GDF1: variants seen among roughly 807,000 people sequenced by gnomAD.
GDF1 encodes the protein embryonic growth/differentiation factor 1.
GDF1 carries 8 observed loss-of-function variants against 7.4 expected under a neutral mutation model. The ratio of observed to expected loss-of-function variants is 1.09; its 90% CI spans 0.64 to 1.96. The LOEUF is 1.96. GDF1 is among the 30% of genes most tolerant of loss of function. The pLI is 0.00. For synonymous variants in GDF1, 311 were observed against 276.7 expected, an observed-to-expected ratio of 1.12 and a Z score of -1.23; for missense variants, 574 against 551.5, an observed-to-expected ratio of 1.04 and a Z score of -0.41.
At chr19:18,876,835 T>C (rs1568295995) in intron 6 of GDF1, among the ~76,000 whole-genome samples, 1 of 152,172 alleles carries the variant, frequency 6.6e-6, no homozygotes. Context: ...ACATTGGTGC[T>C]TTGCTATTAA....
At chr19:18,884,875 G>A (rs1400339433) in intron 2 of GDF1, among the ~76,000 whole-genome samples, 5 of 151,480 alleles carry the variant, frequency 3.3e-5, no homozygotes, top group Non-Finnish European at 5.9e-5. Context: ...CACCATGCCC[G>A]GCTAATTTTT....
chr19:18,869,487 C>T (rs1393460851), intron 7 of GDF1, 97 bp from the exon 8 acceptor site: 14 of 1,224,178 alleles, frequency 1.1e-5, no homozygotes, highest in South Asian at 2.8e-5. Flanking sequence ...CGCTGGGGCT[C>T]GGGGCGCACC....
At position 18,869,205 on chromosome 19, in the gene GDF1, C is replaced by G. The variant is rs2055913332; in HGVS notation, c.511G>C (p.Gly171Arg). The G allele has an allele frequency of 1.6e-6, 2 of 1,270,024 alleles. No individual in the cohort carries two copies. Among genetic ancestry groups the G allele is most frequent in the African/African-American group, 3.2e-5 (2 of 62,700 alleles). 78.7% of individuals were successfully genotyped at this position (1,270,024 alleles called of 1,614,324 possible). The change falls in exon 8 of 8, where the codon GGC (glycine) becomes CGC (arginine). Residue 171 changes from glycine (G) to arginine (R), a missense_variant. Transcript: ENST00000247005. ...CCGGGGTCCGCGCCCGCGCCCTGGCCCGCTTGCGCCACGCTCAGCTCCCAG... is the reference window on the plus strand; with the variant it reads ...CCGGGGTCCGCGCCCGCGCCCTGGCGCGCTTGCGCCACGCTCAGCTCCCAG... ...GGWELSVAQAGQGAGADPGPV... is the reference protein window; with the variant it reads ...GGWELSVAQARQGAGADPGPV...
Position 18,870,420 on chromosome 19 carries a change from C to T in GDF1, c.-113G>A. The T allele has an allele frequency of 2.2e-6, 2 of 911,312 alleles. No individual in the cohort carries two copies. The highest frequency in any genetic ancestry group is 3.7e-5 in the South Asian group (2 of 54,036). The allele number at this position is 911,312 out of a possible 1,614,324, so 56.5% of individuals were successfully genotyped here. ...GGGCAGGGGTCCTGGGGGGCGTGGCCGGGAACTGGAGGCAGGATGAGGGGG... is the reference window on the plus strand; with the variant it reads ...GGGCAGGGGTCCTGGGGGGCGTGGCTGGGAACTGGAGGCAGGATGAGGGGG... On this transcript the variant is annotated 5_prime_UTR_variant, in exon 7 of 8. Coordinates refer to ENST00000247005, the MANE Select transcript of GDF1 (RefSeq NM_001492.6). The surrounding 1 kb of genome is among the most constrained non-coding windows in gnomAD (Gnocchi z 5.1).
In GDF1 at chr19:18,878,274, C is replaced by T. The variant is rs2056101673; in HGVS notation, c.-313+656G>A. The T allele has an allele frequency of 5.1e-6, 5 of 985,764 alleles. No homozygotes were observed. The highest frequency in any genetic ancestry group is 6.0e-6 in the Non-Finnish European group (5 of 830,300). 61.1% of individuals were successfully genotyped at this position (985,764 alleles called of 1,614,324 possible). On this transcript the variant is annotated intron_variant, in intron 6 of 7. Transcript: ENST00000247005. The surrounding 1 kb of genome is among the most constrained non-coding windows in gnomAD (Gnocchi z 4.6). ...CTCTGCTTGTTACCCAGTTTGGCCT[C>T]CGTTCATCCCTGGCCCAGACACCCC...
At chr19:18,873,017 G>A (rs981268612) in intron 6 of GDF1, among the ~76,000 whole-genome samples, 3 of 152,216 alleles carry the variant, frequency 2.0e-5, no homozygotes, top group Admixed American at 6.5e-5. Context: ...GAGCCAGAGC[G>A]AGTGTGCAGA....
chr19:18,876,187 T>C (rs998539259), intron 6 of GDF1, among the ~76,000 whole-genome samples: 1 of 152,180 alleles, frequency 6.6e-6, no homozygotes, highest in Non-Finnish European at 1.5e-5. Flanking sequence ...GGTTTCACCA[T>C]GTTAGCCAGG....
At position 18,895,581 on chromosome 19, in the gene GDF1, C is replaced by T. The variant is rs1056583820; in HGVS notation, c.-1074+243G>A. Among the ~76,000 whole-genome samples the T allele has an allele frequency of 6.6e-6, 1 of 151,944 alleles. No homozygotes were observed. The highest frequency in any genetic ancestry group is 2.4e-5 in the African/African-American group (1 of 41,368). On this transcript the variant is annotated intron_variant, in intron 1 of 7. Coordinates refer to ENST00000247005, the MANE Select transcript of GDF1 (RefSeq NM_001492.6). The surrounding 1 kb of genome is among the most constrained non-coding windows in gnomAD (Gnocchi z 6.4). ...ACTCACCCCAGCCCGGCCACACCCC[C>T]GCATCTACCCGGTTCCCCCACGCAG...
Position 18,868,546 on chromosome 19 carries a change from A to G in GDF1, c.*51T>C, listed in dbSNP as rs1233353943. The G allele has an allele frequency of 4.3e-6, 6 of 1,409,764 alleles. No individual in the cohort carries two copies. Among genetic ancestry groups the G allele is most frequent in the South Asian group, 2.5e-5 (2 of 81,238 alleles). The allele number at this position is 1,409,764 out of a possible 1,614,324, so 87.3% of individuals were successfully genotyped here. On this transcript the variant is annotated 3_prime_UTR_variant, in exon 8 of 8. Coordinates refer to ENST00000247005, the MANE Select transcript of GDF1 (RefSeq NM_001492.6). ...GCAAGGAGTCCAAGGAGACCAGCGG[A>G]GCAGACCACGCGGCATTTATTGTTG...
Position 18,893,430 on chromosome 19 carries a change from G to C in GDF1, c.-928C>G, listed in dbSNP as rs376346732. ...AGGGCCCCTACCGTAGAAGACAGAT[G>C]GTGGGTCATGGAAGAAGGGGTAGTC... is the stretch of plus-strand genomic sequence containing the variant. On this transcript the variant is annotated 5_prime_UTR_variant, in exon 2 of 8. Transcript: ENST00000247005. 1.9e-6 allele frequency: 3 copies of C among 1,604,570 alleles called. No individual in the cohort carries two copies. The highest frequency in any genetic ancestry group is 2.7e-5 in the African/African-American group (2 of 74,762).
Position 18,895,356 on chromosome 19 carries a change from C to CGCAG in GDF1, c.-1074+464_-1074+467dup, listed in dbSNP as rs1555707409. Among the ~76,000 whole-genome samples the CGCAG allele has an allele frequency of 6.6e-6, 1 of 152,208 alleles. No individual in the cohort carries two copies. Among genetic ancestry groups the CGCAG allele is most frequent in the Non-Finnish European group, 1.5e-5 (1 of 68,038 alleles). Reference sequence around the variant, plus strand: ...GCCCGCATGGCAGGGAGGCGCATGGCGCAGGCCGCGGTGCGCCGAGCCCTC... The same window carrying CGCAG: ...GCCCGCATGGCAGGGAGGCGCATGGCGCAGGCAGGCCGCGGTGCGCCGAGCCCTC... On this transcript the variant is annotated intron_variant, in intron 1 of 7. Transcript: ENST00000247005. This position sits in a 1 kb window ranked among gnomAD's most constrained non-coding sequence, Gnocchi z 6.4.
In GDF1 at chr19:18,868,719, C is replaced by T. The variant is rs1429110767; in HGVS notation, c.997G>A (p.Asp333Asn). Residue 333 changes from aspartate to asparagine, a missense_variant, in exon 8 of 8, where the codon GAC becomes AAC. Asp to Asn is a conservative substitution (Grantham distance 23, BLOSUM62 1). Coordinates refer to ENST00000247005, the MANE Select transcript of GDF1 (RefSeq NM_001492.6). Reference protein sequence around the residue: ...LMHAAAPGAADLPCCVPARLS... With the variant: ...LMHAAAPGAANLPCCVPARLS... Reference sequence around the variant, plus strand: ...CGCGCGGGCACGCAGCAGGGCAGGTCGGCGGCTCCCGGGGCGGCCGCGTGC... The same window carrying T: ...CGCGCGGGCACGCAGCAGGGCAGGTTGGCGGCTCCCGGGGCGGCCGCGTGC... 5.2e-6 allele frequency: 8 copies of T among 1,541,452 alleles called. No homozygotes were observed. Among genetic ancestry groups the T allele is most frequent in the African/African-American group, 1.4e-5 (1 of 72,580 alleles).
Position 18,886,617 on chromosome 19 carries a change from C to T in GDF1, c.-913-2350G>A, listed in dbSNP as rs1000744427. 4.6e-5 allele frequency among the ~76,000 whole-genome samples: 7 copies of T among 152,176 alleles called. No homozygotes were observed. In the East Asian group the frequency reaches 5.8e-4, roughly 13 times the overall value. On this transcript the variant is annotated intron_variant, in intron 2 of 7. Transcript: ENST00000247005. ...GCGGGAAGCCATGCTGTGCTCTGCC[C>T]ACACCAACCTGGAACTCTCTGGGTT...
chr19:18,879,260 A>G lies in GDF1; in HGVS notation c.-442T>C. On this transcript the variant is annotated 5_prime_UTR_variant, in exon 5 of 8. It removes an upstream start codon present in the reference 5' UTR. Transcript: ENST00000247005. ...ACTCACCAGGAACCAGTAGAGGTTC[A>G]TAAGGGTGAGCAGCAGCAGGAGCGC... The G allele has an allele frequency of 6.2e-7, 1 of 1,613,726 alleles. No individual in the cohort carries two copies. Among genetic ancestry groups the G allele is most frequent in the Admixed American group, 1.7e-5 (1 of 59,978 alleles).
intron 2 of GDF1, among the ~76,000 whole-genome samples, chr19:18,893,116 T>A (rs950876826): frequency 6.6e-6 from 1 of 152,094 alleles, no homozygotes; most frequent in Non-Finnish European, 1.5e-5. Flanking sequence ...GGTTTCACCA[T>A]GTTAGCCAGG....
At chr19:18,888,948 G>A (rs2056429857) in intron 2 of GDF1, among the ~76,000 whole-genome samples, 1 of 144,052 alleles carries the variant, frequency 6.9e-6, no homozygotes, top group African/African-American at 2.6e-5. Flanking sequence ...CTGGAGTGCA[G>A]TAGCATGATC....
Position 18,888,723 on chromosome 19 carries a change from C to T in GDF1, c.-913-4456G>A, listed in dbSNP as rs558184568. Among the ~76,000 whole-genome samples the T allele has an allele frequency of 2.9e-3, 403 of 139,780 alleles. No homozygotes were observed. The Middle Eastern group carries it at 0.033, about 11-fold the overall frequency. 91.7% of individuals were successfully genotyped at this position (139,780 alleles called of 152,430 possible). On this transcript the variant is annotated intron_variant, in intron 2 of 7. Coordinates refer to ENST00000247005, the MANE Select transcript of GDF1 (RefSeq NM_001492.6). ...TACATGCCTGTGATCCCAGCTACTCCGGAGGCTGAGGCAGGAGAATTGCTT... is the reference window on the plus strand; with the variant it reads ...TACATGCCTGTGATCCCAGCTACTCTGGAGGCTGAGGCAGGAGAATTGCTT...
chr19:18,888,631 G>T (rs2056419562), intron 2 of GDF1, among the ~76,000 whole-genome samples: 1 of 149,262 alleles, frequency 6.7e-6, no homozygotes, highest in Admixed American at 6.7e-5. Flanking sequence ...GGGAGTTCAA[G>T]ACCAGCCTGA....
chr19:18,884,612 T>TCC (rs2056304135), intron 2 of GDF1, among the ~76,000 whole-genome samples: 2 of 151,920 alleles, frequency 1.3e-5, no homozygotes, highest in South Asian at 4.2e-4. Context: ...TTTCACTGTG[T>TCC]TACCCAGGAT....
Sources: gnomAD v4.1 joint callset for allele counts (sites outside exome capture counted in the v4.1 genomes callset) on GRCh38, gnomAD v4.1.1 for gene constraint, Gnocchi (gnomAD v3.1) non-coding constraint, MANE v1.5 for transcripts, NCBI Gene and HGNC (gene_info 2026-07-23, HGNC 2026-07-21) for gene names.